Variants in VTA1 observed in about 807,000 individuals in gnomAD.
The protein encoded by VTA1 is vacuolar protein sorting-associated protein VTA1 homolog.
Under a neutral mutation model 36.9 loss-of-function variants are expected in VTA1, and 24 were observed. That is an observed-to-expected ratio of 0.65 (90% confidence interval 0.47 to 0.91). The LOEUF (loss-of-function observed/expected upper bound fraction) is 0.91, where lower values mean the gene tolerates loss of function less well. VTA1 is among the 40% of genes least tolerant of loss of function. The pLI is 0.00. For synonymous variants in VTA1, 142 were observed against 130.2 expected (o/e 1.09, Z -0.62); for missense variants, 393 against 377.2 (o/e 1.04, Z -0.35).
chr6:142,212,411 A>G (rs78265912), intron 7 of VTA1, among the ~76,000 whole-genome samples: 4 of 152,314 alleles, frequency 2.6e-5, no homozygotes, highest in Admixed American at 6.5e-5. Flanking sequence ...AAAGGAACCA[A>G]TGTTTAAAAG....
intron 5 of VTA1, among the ~76,000 whole-genome samples, chr6:142,195,868 A>G (rs61175187): frequency 0.011 from 1,697 of 152,074 alleles, 36 homozygotes; most frequent in African/African-American, 0.039. Context: ...TTCTAATTCA[A>G]TTCCATTTTA....
intron 6 of VTA1, among the ~76,000 whole-genome samples, chr6:142,201,556 A>G (rs1023371850): frequency 2.6e-5 from 4 of 151,960 alleles, no homozygotes; most frequent in African/African-American, 7.2e-5. Flanking sequence ...TAAGCTTTTT[A>G]TAGTTCATAT....
At chr6:142,192,888 G>A (rs1171037289) in intron 5 of VTA1, among the ~76,000 whole-genome samples, 2 of 152,002 alleles carry the variant, frequency 1.3e-5, no homozygotes, top group Admixed American at 1.3e-4. Flanking sequence ...TTTTACTGCT[G>A]AGTACTTCTG....
In VTA1 at chr6:142,166,261, T is replaced by G. The variant is rs1582880906; in HGVS notation, c.146T>G (p.Ile49Ser). The G allele has an allele frequency of 6.2e-7, 1 of 1,612,492 alleles. No individual in the cohort carries two copies. Among genetic ancestry groups the G allele is most frequent in the Non-Finnish European group, 8.5e-7 (1 of 1,179,118 alleles). ...TACGCAATGCAGACTGGAATGAAGA[T>G]CGATAGTAAAACTCCTGAATGTCGC... The part of the protein sequence containing the change: ...RLYAMQTGMK[I>S]DSKTPECRKF... Residue 49 changes from isoleucine to serine, a missense_variant, in exon 2 of 8, where the codon ATC becomes AGC. Transcript: ENST00000367630.
At position 142,182,888 on chromosome 6, in the gene VTA1, A is replaced by G. The variant is rs183678325; in HGVS notation, c.412-6538A>G. Among the ~76,000 whole-genome samples, 84 of 152,334 alleles carry G rather than the reference A, an allele frequency of 5.5e-4. 1 individual carries two copies. The highest frequency in any genetic ancestry group is 3.7e-3 in the Admixed American group (57 of 15,306). On this transcript the variant is annotated intron_variant, in intron 4 of 7. Coordinates refer to ENST00000367630, the MANE Select transcript of VTA1 (RefSeq NM_016485.5). ...GCCATTAGACTGCGTGAGATCATCAAGTGTAGAAAGAAGAGACAAGGAATC... is the reference window on the plus strand; with the variant it reads ...GCCATTAGACTGCGTGAGATCATCAGGTGTAGAAAGAAGAGACAAGGAATC...
intron 4 of VTA1, among the ~76,000 whole-genome samples, chr6:142,173,826 G>A (rs991789975): frequency 6.6e-6 from 1 of 152,070 alleles, no homozygotes; most frequent in African/African-American, 2.4e-5. Context: ...TAGTAACTAG[G>A]GCAAAACTGT....
At chr6:142,165,570 C>T (rs1269101437) in intron 1 of VTA1, among the ~76,000 whole-genome samples, 1 of 152,110 alleles carries the variant, frequency 6.6e-6, no homozygotes, top group Non-Finnish European at 1.5e-5. Context: ...ACACAGATCT[C>T]TAGGACATAT....
At position 142,224,245 on chromosome 6, in the gene VTA1, A is replaced by C. The variant is rs1215975234; in HGVS notation, c.*5602A>C. 1.3e-5 allele frequency: 2 copies of C among 152,196 alleles called. No homozygotes were observed. The highest frequency in any genetic ancestry group is 4.8e-5 in the African/African-American group (2 of 41,458). 9.4% of individuals were successfully genotyped at this position (152,196 alleles called of 1,614,324 possible). On this transcript the variant is annotated 3_prime_UTR_variant, in exon 8 of 8. Transcript: ENST00000367630. ...GAGGCTCGAATATGCTCTCAACCCT[A>C]TCAGTTGCCTGCTTTAATTCATCCC...
At chr6:142,159,097 T>A (rs1283120663) in intron 1 of VTA1, among the ~76,000 whole-genome samples, 1 of 152,162 alleles carries the variant, frequency 6.6e-6, no homozygotes, top group Non-Finnish European at 1.5e-5. Context: ...TGGTGGCTCA[T>A]GCCTGTAATC....
At chr6:142,216,177 T>A (rs537133399) in intron 7 of VTA1, among the ~76,000 whole-genome samples, 1 of 152,324 alleles carries the variant, frequency 6.6e-6, no homozygotes, top group South Asian at 2.1e-4. Context: ...ATTGACCTTT[T>A]TGAGTATAAA....
At chr6:142,153,517 A>G (rs1778606448) in intron 1 of VTA1, among the ~76,000 whole-genome samples, 1 of 152,062 alleles carries the variant, frequency 6.6e-6, no homozygotes, top group Non-Finnish European at 1.5e-5. Flanking sequence ...TATCATTTCC[A>G]AAAATGATTC....
chr6:142,171,813 C>T (rs1775033966), intron 4 of VTA1, among the ~76,000 whole-genome samples: 1 of 151,892 alleles, frequency 6.6e-6, no homozygotes. Flanking sequence ...TGATGAGTAG[C>T]TCTTAGTAAA....
intron 1 of VTA1, among the ~76,000 whole-genome samples, chr6:142,149,995 A>T (rs1778537298): frequency 6.6e-6 from 1 of 151,596 alleles, no homozygotes; most frequent in South Asian, 2.1e-4. Flanking sequence ...CATTCTGTGT[A>T]ATTTCTTGAG....
intron 5 of VTA1, among the ~76,000 whole-genome samples, chr6:142,192,917 G>A (rs866839954): frequency 4.6e-5 from 7 of 151,988 alleles, no homozygotes; most frequent in Non-Finnish European, 7.4e-5. Context: ...CAGAAGAGTG[G>A]CATTCTTTTT....
intron 1 of VTA1, among the ~76,000 whole-genome samples, chr6:142,154,367 A>C (rs76538722): frequency 6.6e-6 from 1 of 152,106 alleles, no homozygotes; most frequent in South Asian, 2.1e-4. Context: ...ACAGTGTAAC[A>C]GTTTAATCAT....
chr6:142,181,045 C>T (rs2114656108), intron 4 of VTA1, among the ~76,000 whole-genome samples: 1 of 128,202 alleles, frequency 7.8e-6, no homozygotes, highest in African/African-American at 2.9e-5. Flanking sequence ...GGTAAGGGGA[C>T]ACCGTGTCTT....
intron 3 of VTA1, 61 bp from the exon 4 acceptor site, chr6:142,170,285 G>T: frequency 2.3e-6 from 3 of 1,295,326 alleles, no homozygotes; most frequent in South Asian, 2.5e-5. Context: ...ATAGCTAAAT[G>T]ACAAAACTAC....
chr6:142,190,780 T>C (rs1031361588), intron 5 of VTA1, among the ~76,000 whole-genome samples: 3 of 152,216 alleles, frequency 2.0e-5, no homozygotes, highest in Non-Finnish European at 4.4e-5. Context: ...TTATGAATGA[T>C]ACTGTCTTTG....
rs1776160483 is a variant in VTA1, at chr6:142,224,108, T to G, written c.*5465T>G. 1 of 152,096 alleles carries G rather than the reference T, an allele frequency of 6.6e-6. No individual in the cohort carries two copies. Among genetic ancestry groups the G allele is most frequent in the African/African-American group, 2.4e-5 (1 of 41,418 alleles). The allele number at this position is 152,096 out of a possible 1,614,324, so 9.4% of individuals were successfully genotyped here. A position where few individuals can be genotyped will look rare whatever the true frequency, so the allele number is the denominator to read the frequency against. On this transcript the variant is annotated 3_prime_UTR_variant, in exon 8 of 8. Coordinates refer to ENST00000367630, the MANE Select transcript of VTA1 (RefSeq NM_016485.5). Reference sequence around the variant, plus strand: ...AGGCAATTAAGGTTACATGAGATCATAAAGGTGAGGCCCTAATCCTATAGG... The same window carrying G: ...AGGCAATTAAGGTTACATGAGATCAGAAAGGTGAGGCCCTAATCCTATAGG...
Sources: allele counts gnomAD v4.1 joint callset (sites outside exome capture counted in the v4.1 genomes callset), GRCh38; gene constraint gnomAD v4.1.1; transcripts MANE v1.5; gene names NCBI Gene and HGNC (gene_info 2026-07-23, HGNC 2026-07-21).